RBFOX1: variants seen among roughly 807,000 people sequenced by gnomAD.
RBFOX1 encodes the protein RNA binding fox-1 homolog 1.
Under a neutral mutation model 57.7 loss-of-function variants are expected in RBFOX1, and 8 were observed. That is an observed-to-expected ratio of 0.14 (90% CI 0.08 to 0.25). RBFOX1 has a LOEUF of 0.25. Ranked by LOEUF, RBFOX1 falls within the 10% of genes least tolerant of loss-of-function variation. The probability of loss-of-function intolerance (pLI) is 1.00; values close to 1 mark genes in which losing one functional copy is unlikely to be tolerated. For synonymous variants in RBFOX1, 326 were observed against 222.4 expected (o/e 1.47, Z -4.15); for missense variants, 611 against 548.5 (o/e 1.11, Z -1.14).
chr16:6,409,397 G>A lies in RBFOX1; in HGVS notation c.-64+92340G>A, dbSNP rs778363345. Among the ~76,000 whole-genome samples the A allele has an allele frequency of 3.4e-4, 52 of 152,122 alleles. 1 individual carries two copies. The highest frequency in any genetic ancestry group is 5.9e-4 in the Non-Finnish European group (40 of 68,030). On this transcript the variant is annotated intron_variant, in intron 2 of 15. Coordinates refer to ENST00000550418, the MANE Select transcript of RBFOX1 (RefSeq NM_018723.4). ...CCATTGCCCTCCAGCCAGGGCAACG[G>A]GAGCGAAACCCGGTCTCAAAACAAA... is the stretch of plus-strand genomic sequence containing the variant.
rs560476478 is a variant in RBFOX1 at position 5,867,201 on chromosome 16, G to A, written c.319-102G>A. On this transcript the variant is annotated intron_variant, in intron 3 of 19. Coordinates refer to the RBFOX1 transcript ENST00000641259. ...TGTGTGTTGCAACCTTTGTCCCCTC[G>A]GGTCATAACAAATTATTGATGCCAG... The A allele has an allele frequency of 1.7e-5, 12 of 700,724 alleles. No homozygotes were observed. In the African/African-American group the frequency reaches 1.9e-4, roughly 11 times the overall value. The allele number at this position is 700,724 out of a possible 1,614,324, so 43.4% of individuals were successfully genotyped here.
At chr16:7,355,448 A>G (rs1257889508) in intron 4 of RBFOX1, among the ~76,000 whole-genome samples, 1 of 152,052 alleles carries the variant, frequency 6.6e-6, no homozygotes. Context: ...CCTGCTAACG[A>G]TTTGGAGTGT....
intron 4 of RBFOX1, among the ~76,000 whole-genome samples, chr16:7,491,049 A>G (rs1448074234): frequency 1.3e-5 from 2 of 152,162 alleles, no homozygotes; most frequent in Non-Finnish European, 2.9e-5. Context: ...CAGATTCTAA[A>G]GAGACAACCA....
At chr16:6,098,703 C>G (rs1163183818) in intron 1 of RBFOX1, among the ~76,000 whole-genome samples, 1 of 152,222 alleles carries the variant, frequency 6.6e-6, no homozygotes, top group Non-Finnish European at 1.5e-5. Flanking sequence ...GAGACCCTTA[C>G]TACGGGTACA....
chr16:6,953,303 C>A lies in RBFOX1; in HGVS notation c.-15-98754C>A, dbSNP rs563706678. On this transcript the variant is annotated intron_variant, in intron 3 of 15. Coordinates refer to ENST00000550418, the MANE Select transcript of RBFOX1 (RefSeq NM_018723.4). The stretch of plus-strand genomic sequence containing the variant: ...GAAATAAGGCAGAACTACTCTGAAA[C>A]AGAAGATTTATGGAGTCTCTTTCAC... Among the ~76,000 whole-genome samples the A allele has an allele frequency of 7.8e-4, 119 of 152,224 alleles. 1 individual carries two copies. Among genetic ancestry groups the A allele is most frequent in the Non-Finnish European group, 1.3e-3 (86 of 68,006 alleles).
chr16:5,409,242 G>A (rs1012242221), intron 1 of RBFOX1, among the ~76,000 whole-genome samples: 14 of 152,320 alleles, frequency 9.2e-5, no homozygotes, highest in African/African-American at 2.9e-4. Context: ...TGGCCTTCCT[G>A]TGTGTGGCTG....
intron 3 of RBFOX1, among the ~76,000 whole-genome samples, chr16:6,694,293 C>G (rs1332550911): frequency 3.3e-5 from 5 of 152,090 alleles, no homozygotes; most frequent in African/African-American, 9.7e-5. Flanking sequence ...ATTTTTCTGT[C>G]TTATTTATCT....
intron 2 of RBFOX1, among the ~76,000 whole-genome samples, chr16:6,532,372 G>A (rs892036322): frequency 5.0e-4 from 76 of 152,128 alleles, no homozygotes; most frequent in Non-Finnish European, 1.0e-3. Flanking sequence ...TGCCTGGAGG[G>A]TTTCAGAGCT....
At chr16:7,619,757 C>T (rs1827845013) in intron 10 of RBFOX1, among the ~76,000 whole-genome samples, 1 of 152,072 alleles carries the variant, frequency 6.6e-6, no homozygotes, top group South Asian at 2.1e-4. Flanking sequence ...AGTTGAATGA[C>T]AGTTTCTAAT....
chr16:6,451,317 T>TG (rs1175560761), intron 2 of RBFOX1, among the ~76,000 whole-genome samples: 1 of 152,184 alleles, frequency 6.6e-6, no homozygotes. Flanking sequence ...TTAGGAATAG[T>TG]GGTTGCTGAC....
intron 1 of RBFOX1, among the ~76,000 whole-genome samples, chr16:6,264,149 T>A (rs1470241119): frequency 8.5e-5 from 13 of 152,226 alleles, no homozygotes; most frequent in Non-Finnish European, 1.5e-5. Context: ...TGGGTTCCTT[T>A]TCTTGCAAGT....
intron 1 of RBFOX1, among the ~76,000 whole-genome samples, chr16:5,379,626 C>G (rs138317752): frequency 6.6e-6 from 1 of 152,182 alleles, no homozygotes; most frequent in Non-Finnish European, 1.5e-5. Flanking sequence ...GTAACTTCCT[C>G]TCCATGAGCT....
chr16:6,965,537 A>G (rs910805249), intron 3 of RBFOX1, among the ~76,000 whole-genome samples: 6 of 152,178 alleles, frequency 3.9e-5, no homozygotes, highest in African/African-American at 1.2e-4. Context: ...GGGTTTCACC[A>G]TGTTGGCCAG....
chr16:6,421,464 T>C (rs2093769165), intron 2 of RBFOX1, among the ~76,000 whole-genome samples: 1 of 152,214 alleles, frequency 6.6e-6, no homozygotes, highest in Non-Finnish European at 1.5e-5. Context: ...TGAATCAGAA[T>C]TTTGTCGTCA....
chr16:5,427,172 CTCACCAGAGAATTAGGAT>C (rs2067586896), intron 1 of RBFOX1, among the ~76,000 whole-genome samples: 1 of 152,218 alleles, frequency 6.6e-6, no homozygotes, highest in Non-Finnish European at 1.5e-5. Context: ...CTTGAGTGGG[CTCACCAGAGAATTAGGAT>C]TCACCAGAGA....
At chr16:7,268,125 G>A (rs2153099931) in intron 4 of RBFOX1, among the ~76,000 whole-genome samples, 1 of 152,250 alleles carries the variant, frequency 6.6e-6, no homozygotes, top group South Asian at 2.1e-4. Flanking sequence ...TAACATCATG[G>A]CCAGTGTCCC....
At chr16:6,875,976 C>G (rs952179003) in intron 3 of RBFOX1, among the ~76,000 whole-genome samples, 1 of 151,840 alleles carries the variant, frequency 6.6e-6, no homozygotes, top group Non-Finnish European at 1.5e-5. Context: ...TCAGCCTGGG[C>G]AACACAGTGG....
chr16:6,958,063 G>T (rs1421689733), intron 3 of RBFOX1, among the ~76,000 whole-genome samples: 2 of 152,098 alleles, frequency 1.3e-5, no homozygotes, highest in East Asian at 3.9e-4. Flanking sequence ...CATCTTTGGA[G>T]ACTAGCTCTC....
At chr16:7,557,619 C>CAAAAAAAAAAAAAAAAAAAA (rs1170051114) in intron 5 of RBFOX1, among the ~76,000 whole-genome samples, 14 of 40,732 alleles carry the variant, frequency 3.4e-4, no homozygotes, top group South Asian at 2.0e-3. Flanking sequence ...GACTCTGTCT[C>CAAAAAAAAAAAAAAAAAAAA]AAAAAAAAAA....
Sources: gnomAD v4.1 joint callset for allele counts (sites outside exome capture counted in the v4.1 genomes callset) on GRCh38, gnomAD v4.1.1 for gene constraint, MANE v1.5 for transcripts, NCBI Gene and HGNC (gene_info 2026-07-23, HGNC 2026-07-21) for gene names.